Variants in BCL6 observed in about 807,000 individuals in gnomAD.
BCL6 encodes BCL6 transcription repressor, also known as B-cell lymphoma 6 protein.
In BCL6, 7 loss-of-function variants were observed where a neutral mutation model predicts 59.5. The ratio of observed to expected loss-of-function variants is 0.12; its 90% confidence interval spans 0.07 to 0.22. BCL6 has a LOEUF of 0.22. BCL6 is among the 10% of genes least tolerant of loss of function. The pLI is 1.00. For missense variants in BCL6, 685 were observed against 939.4 expected (o/e 0.73, Z 3.54); for synonymous variants, 339 against 349.7 (o/e 0.97, Z 0.34).
At position 187,739,671 on chromosome 3, in the gene BCL6, T is replaced by C. The variant is rs571437463; in HGVS notation, c.-49-4764A>G. The stretch of plus-strand genomic sequence containing the variant: ...CTGAAGAGGAGTTGCAGAAGGGACG[T>C]TCCCCATACGCTCAGCGCGAGACAG... On this transcript the variant is annotated intron_variant, in intron 1 of 9. Coordinates refer to ENST00000406870, the MANE Select transcript of BCL6 (RefSeq NM_001706.5). 2.2e-4 allele frequency among the ~76,000 whole-genome samples: 33 copies of C among 152,280 alleles called. 2 individuals are homozygous for C. The South Asian group carries it at 6.6e-3, about 31-fold the overall frequency.
chr3:187,745,089 T>A (rs1711865336), intron 1 of BCL6, among the ~76,000 whole-genome samples: 1 of 151,494 alleles, frequency 6.6e-6, no homozygotes, highest in East Asian at 1.9e-4. Context: ...GGCAAAAGCC[T>A]CCCCAAACCG....
At chr3:187,730,632 G>C (rs1307856503) in intron 4 of BCL6, among the ~76,000 whole-genome samples, 1 of 152,196 alleles carries the variant, frequency 6.6e-6, no homozygotes, top group East Asian at 1.9e-4. Context: ...ACCTAGCTGT[G>C]CCACTTAGCA....
At chr3:187,742,379 T>C (rs1711638829) in intron 1 of BCL6, among the ~76,000 whole-genome samples, 1 of 152,200 alleles carries the variant, frequency 6.6e-6, no homozygotes, top group Admixed American at 6.5e-5. Context: ...CTTAAGCATT[T>C]AGAGTCCCAT....
chr3:187,725,474 C>A lies in BCL6; in HGVS notation c.1839+25G>T. 1 of 1,240,290 alleles carries A rather than the reference C, an allele frequency of 8.1e-7. No homozygotes were observed. Among genetic ancestry groups the A allele is most frequent in the Non-Finnish European group, 1.1e-6 (1 of 905,072 alleles). 76.8% of individuals were successfully genotyped at this position (1,240,290 alleles called of 1,614,324 possible). On this transcript the variant is annotated intron_variant, in intron 8 of 9. Transcript: ENST00000406870. The surrounding 1 kb of genome is among the most constrained non-coding windows in gnomAD (Gnocchi z 4.7). ...TGCCCGCTCCGCTCGCCTGCCCGCT[C>A]CGCTCGCCTGCCCACTCTGCTCACC...
At chr3:187,744,257 C>T (rs1711761063) in intron 1 of BCL6, among the ~76,000 whole-genome samples, 1 of 152,276 alleles carries the variant, frequency 6.6e-6, no homozygotes, top group East Asian at 1.9e-4. Context: ...CCAGGCTGTC[C>T]TGTCGAGGTT....
chr3:187,725,730 G>T lies in BCL6; in HGVS notation c.1709-101C>A. On this transcript the variant is annotated intron_variant, in intron 7 of 9. Coordinates refer to ENST00000406870, the MANE Select transcript of BCL6 (RefSeq NM_001706.5). The surrounding 1 kb of genome is among the most constrained non-coding windows in gnomAD (Gnocchi z 4.7). ...TCTAAGCAGCCTGCTCCTCCCTGAG[G>T]CCACTTGTGTTTTCCTTTCCCTTAG... 6.9e-7 allele frequency: 1 copy of T among 1,439,384 alleles called. No individual in the cohort carries two copies. The highest frequency in any genetic ancestry group is 9.5e-7 in the Non-Finnish European group (1 of 1,054,648). 89.2% of individuals were successfully genotyped at this position (1,439,384 alleles called of 1,614,324 possible). A position where few individuals can be genotyped will look rare whatever the true frequency, so the allele number is the denominator to read the frequency against.
In BCL6 at chr3:187,722,619, G is replaced by C; in HGVS notation, c.1978-18C>G. 6.2e-7 allele frequency: 1 copy of C among 1,608,956 alleles called. No homozygotes were observed. The highest frequency in any genetic ancestry group is 1.7e-5 in the Admixed American group (1 of 59,400). ...TTCTCACACTGCAGGGATATCAGAG[G>C]CAAACTGTTAGCTGTCATCAACCCA... On this transcript the variant is annotated intron_variant, in intron 9 of 9. Transcript: ENST00000406870.
chr3:187,722,210 G>A lies in BCL6; in HGVS notation c.*248C>T. 1 of 398,682 alleles carries A rather than the reference G, an allele frequency of 2.5e-6. No homozygotes were observed. Among genetic ancestry groups the A allele is most frequent in the Non-Finnish European group, 4.4e-6 (1 of 229,338 alleles). The allele number at this position is 398,682 out of a possible 1,614,324, so 24.7% of individuals were successfully genotyped here. A position where few individuals can be genotyped will look rare whatever the true frequency, so the allele number is the denominator to read the frequency against. On this transcript the variant is annotated 3_prime_UTR_variant, in exon 10 of 10. Coordinates refer to ENST00000406870, the MANE Select transcript of BCL6 (RefSeq NM_001706.5). ...AATGATTTTGCTTTTTGCTGACATGGTTCACCTTACACATAGGAGAAGAAG... is the reference window on the plus strand; with the variant it reads ...AATGATTTTGCTTTTTGCTGACATGATTCACCTTACACATAGGAGAAGAAG...
rs966599533 is a variant in BCL6 at position 187,725,418 on chromosome 3, C to T, written c.1839+81G>A. ...GCCCGCTCCACTTGCCTGCCCACTC[C>T]TCCGCTTGCCTGCCCACTCCTCCGC... On this transcript the variant is annotated intron_variant, in intron 8 of 9. Coordinates refer to ENST00000406870, the MANE Select transcript of BCL6 (RefSeq NM_001706.5). This position sits in a 1 kb window ranked among gnomAD's most constrained non-coding sequence, Gnocchi z 4.7. The T allele has an allele frequency of 1.3e-6, 2 of 1,579,120 alleles. No individual in the cohort carries two copies. The highest frequency in any genetic ancestry group is 2.3e-5 in the East Asian group (1 of 43,998).
intron 1 of BCL6, among the ~76,000 whole-genome samples, chr3:187,743,819 C>G (rs1300597248): frequency 1.3e-5 from 2 of 151,870 alleles, no homozygotes. Flanking sequence ...GCCGCCGCGC[C>G]TTCCCCCATT....
chr3:187,726,595 G>C (rs540438623), intron 7 of BCL6, 136 bp downstream of exon 7: 7 of 1,261,298 alleles, frequency 5.5e-6, no homozygotes, highest in Non-Finnish European at 7.7e-6. Flanking sequence ...TAGACCCCTC[G>C]TTCAGGCCAG....
chr3:187,744,463 C>G (rs569576041), intron 1 of BCL6, among the ~76,000 whole-genome samples: 4 of 152,258 alleles, frequency 2.6e-5, no homozygotes, highest in South Asian at 2.1e-4. Context: ...CGCCCCCAAG[C>G]TCCCCAAAAC....
At chr3:187,742,029 T>C (rs983301948) in intron 1 of BCL6, among the ~76,000 whole-genome samples, 2 of 152,172 alleles carry the variant, frequency 1.3e-5, no homozygotes, top group Admixed American at 1.3e-4. Context: ...CCATCCTAGT[T>C]GGAAAGCAAC....
intron 3 of BCL6, chr3:187,732,447 T>G (rs758191885): frequency 2.8e-5 from 9 of 324,780 alleles, no homozygotes; most frequent in Non-Finnish European, 5.0e-5. Flanking sequence ...GTCCATAGAT[T>G]AACAGAGGGT....
At chr3:187,743,872 C>T (rs1711728768) in intron 1 of BCL6, among the ~76,000 whole-genome samples, 1 of 152,272 alleles carries the variant, frequency 6.6e-6, no homozygotes, top group Non-Finnish European at 1.5e-5. Context: ...ATCCAACCAA[C>T]CTCGCAATCT....
At chr3:187,741,648 G>A (rs1218637578) in intron 1 of BCL6, among the ~76,000 whole-genome samples, 1 of 152,182 alleles carries the variant, frequency 6.6e-6, no homozygotes, top group Admixed American at 6.5e-5. Context: ...TGCTCGCGGC[G>A]GCAGCGGCGG....
intron 1 of BCL6, among the ~76,000 whole-genome samples, chr3:187,745,154 C>G (rs1359743372): frequency 4.6e-5 from 7 of 152,164 alleles, no homozygotes; most frequent in South Asian, 2.1e-4. Flanking sequence ...AATCTATATC[C>G]TATGGTGGGA....
chr3:187,744,705 C>G (rs577255117), intron 1 of BCL6, among the ~76,000 whole-genome samples: 1 of 152,176 alleles, frequency 6.6e-6, no homozygotes, highest in African/African-American at 2.4e-5. Flanking sequence ...AGCGAGCGGG[C>G]AGCCTCCCTT....
At chr3:187,744,539 G>C (rs914788068) in intron 1 of BCL6, among the ~76,000 whole-genome samples, 1 of 152,250 alleles carries the variant, frequency 6.6e-6, no homozygotes, top group East Asian at 1.9e-4. Flanking sequence ...AAAGGAAATA[G>C]TAGACACGAT....
Sources: allele counts gnomAD v4.1 joint callset (sites outside exome capture counted in the v4.1 genomes callset), GRCh38; gene constraint gnomAD v4.1.1; non-coding constraint Gnocchi (gnomAD v3.1); transcripts MANE v1.5; gene names NCBI Gene and HGNC (gene_info 2026-07-23, HGNC 2026-07-21).